FAT3: variants seen among roughly 807,000 people sequenced by gnomAD.
FAT3 encodes protocadherin Fat 3.
A neutral mutation model predicts 310.2 loss-of-function variants in FAT3; 95 were observed. That is an observed-to-expected ratio of 0.31 (90% CI 0.26 to 0.36). The LOEUF (loss-of-function observed/expected upper bound fraction) is 0.36, where lower values mean the gene tolerates loss of function less well. Among genes scored for constraint, FAT3 ranks in the 10% least tolerant of loss-of-function variants. FAT3 has a pLI of 1.00. For synonymous variants in FAT3, 2,314 were observed against 2,192.9 expected, an observed-to-expected ratio of 1.06 and a Z score of -1.54; for missense variants, 5,408 against 5,715.6, an observed-to-expected ratio of 0.95 and a Z score of 1.74.
intron 4 of FAT3, among the ~76,000 whole-genome samples, chr11:92,715,431 A>C (rs1217791666): frequency 6.6e-6 from 1 of 151,744 alleles, no homozygotes; most frequent in East Asian, 1.9e-4. Context: ...AATAAATAAA[A>C]ATAAAAAATT....
At chr11:92,494,724 C>T (rs1273467140) in intron 2 of FAT3, among the ~76,000 whole-genome samples, 1 of 151,952 alleles carries the variant, frequency 6.6e-6, no homozygotes, top group Non-Finnish European at 1.5e-5. Flanking sequence ...GCAGAACCTG[C>T]CCTCCTTGCC....
chr11:92,376,960 A>G (rs184576244), intron 2 of FAT3, among the ~76,000 whole-genome samples: 1 of 152,324 alleles, frequency 6.6e-6, no homozygotes, highest in Admixed American at 6.5e-5. Flanking sequence ...TTGGAAGGTA[A>G]TGATTATGTC....
chr11:92,848,829 G>A (rs1948748842), intron 19 of FAT3, among the ~76,000 whole-genome samples: 1 of 152,200 alleles, frequency 6.6e-6, no homozygotes, highest in South Asian at 2.1e-4. Flanking sequence ...AGTGTATAAA[G>A]AGGAATCACT....
chr11:92,324,279 C>T, intron 1 of FAT3, among the ~76,000 whole-genome samples: 1 of 152,202 alleles, frequency 6.6e-6, no homozygotes, highest in Admixed American at 6.5e-5. Context: ...AGAGGCCTAG[C>T]TTTCAGCACA....
At chr11:92,889,975 T>C in intron 27 of FAT3, 84 bp downstream of exon 27, 1 of 717,522 alleles carries the variant, frequency 1.4e-6, no homozygotes, top group Non-Finnish European at 2.6e-6. Flanking sequence ...CCTGTGCCTC[T>C]GCCCTGATCT....
At chr11:92,820,491 A>G (rs574918860) in intron 13 of FAT3, among the ~76,000 whole-genome samples, 2 of 152,120 alleles carry the variant, frequency 1.3e-5, no homozygotes, top group African/African-American at 2.4e-5. Flanking sequence ...AATTCAGTCT[A>G]TAACACTCTT....
intron 3 of FAT3, among the ~76,000 whole-genome samples, chr11:92,583,058 A>G (rs900601826): frequency 1.3e-5 from 2 of 150,756 alleles, no homozygotes; most frequent in Non-Finnish European, 2.9e-5. Flanking sequence ...TAGTAAAATT[A>G]AATTAGCACT....
intron 2 of FAT3, among the ~76,000 whole-genome samples, chr11:92,430,441 G>A (rs1336254354): frequency 2.0e-5 from 3 of 152,048 alleles, no homozygotes; most frequent in African/African-American, 7.2e-5. Flanking sequence ...TCCGCCTTTT[G>A]CACTGTTTTT....
chr11:92,362,782 G>T (rs926799743), intron 2 of FAT3, among the ~76,000 whole-genome samples: 18 of 152,194 alleles, frequency 1.2e-4, no homozygotes, highest in African/African-American at 4.3e-4. Context: ...TTCTAAAACA[G>T]ATTTTAAGTT....
At chr11:92,832,336 A>C (rs900029303) in intron 14 of FAT3, among the ~76,000 whole-genome samples, 2 of 151,892 alleles carry the variant, frequency 1.3e-5, no homozygotes, top group Admixed American at 6.6e-5. Context: ...ACTGTGTCCA[A>C]AAAAAATAAT....
chr11:92,874,383 T>A (rs1020994851), intron 22 of FAT3, among the ~76,000 whole-genome samples: 49 of 152,322 alleles, frequency 3.2e-4, no homozygotes, highest in Non-Finnish European at 5.6e-4. Context: ...CATCTCACTG[T>A]ATCTTATCTG....
At chr11:92,830,699 C>T (rs12291076) in intron 13 of FAT3, among the ~76,000 whole-genome samples, 2,057 of 152,154 alleles carry the variant, frequency 0.014, 52 homozygotes, top group African/African-American at 0.046. Context: ...CTTCTGCATT[C>T]AAAACCTAGT....
intron 1 of FAT3, among the ~76,000 whole-genome samples, chr11:92,278,193 T>A (rs548195226): frequency 6.6e-6 from 1 of 152,328 alleles, no homozygotes; most frequent in East Asian, 1.9e-4. Flanking sequence ...TATAGTTATG[T>A]ATTTTATGTT....
intron 7 of FAT3, among the ~76,000 whole-genome samples, chr11:92,778,042 G>C (rs1442698606): frequency 6.6e-6 from 1 of 151,946 alleles, no homozygotes; most frequent in Admixed American, 6.6e-5. Context: ...CCTTTAGTGA[G>C]GACTATTCTG....
In FAT3 at chr11:92,706,425, C is replaced by T. The variant is rs559678567; in HGVS notation, c.3669+8980C>T. Reference sequence around the variant, plus strand: ...TGTGTGGGAGCGGTGGGGATGTGGACGGGGAGGAACAGTGGATTCTACCTG... The same window carrying T: ...TGTGTGGGAGCGGTGGGGATGTGGATGGGGAGGAACAGTGGATTCTACCTG... On this transcript the variant is annotated intron_variant, in intron 4 of 27. Coordinates refer to ENST00000525166, the MANE Select transcript of FAT3 (RefSeq NM_001367949.2). Among the ~76,000 whole-genome samples, 14 of 151,954 alleles carry T rather than the reference C, an allele frequency of 9.2e-5. No homozygotes were observed. In the South Asian group the frequency reaches 2.1e-3, roughly 23 times the overall value.
chr11:92,399,045 TA>T (rs1371678002), intron 2 of FAT3, among the ~76,000 whole-genome samples: 3 of 152,218 alleles, frequency 2.0e-5, no homozygotes, highest in Non-Finnish European at 2.9e-5. Context: ...TGAAACTATA[TA>T]GAATCCTTTA....
intron 4 of FAT3, among the ~76,000 whole-genome samples, chr11:92,738,005 G>A (rs1283375303): frequency 1.3e-5 from 2 of 152,008 alleles, no homozygotes; most frequent in Non-Finnish European, 2.9e-5. Flanking sequence ...GGGAGAATTG[G>A]GGCAAATAAA....
In FAT3 at chr11:92,883,916, TGAGTTAAA is replaced by T. The variant is rs1314228240; in HGVS notation, c.12937+528_12937+535del. ...GAGGGACACTTCAATTGGACCATGA[TGAGTTAAA>T]GAGTCTGGGGAAAGGAGGATATTCC... is the stretch of plus-strand genomic sequence containing the variant. On this transcript the variant is annotated intron_variant, in intron 24 of 27. Coordinates refer to ENST00000525166, the MANE Select transcript of FAT3 (RefSeq NM_001367949.2). This position sits in a 1 kb window ranked among gnomAD's most constrained non-coding sequence, Gnocchi z 4.2. Among the ~76,000 whole-genome samples the T allele has an allele frequency of 1.3e-5, 2 of 152,094 alleles. No homozygotes were observed. The highest frequency in any genetic ancestry group is 2.4e-5 in the African/African-American group (1 of 41,406).
intron 3 of FAT3, among the ~76,000 whole-genome samples, chr11:92,646,500 G>C (rs138671279): frequency 6.6e-6 from 1 of 152,180 alleles, no homozygotes; most frequent in Non-Finnish European, 1.5e-5. Context: ...AAGTACAAAA[G>C]AAATTGCAGC....
Sources: gnomAD v4.1 joint callset for allele counts (sites outside exome capture counted in the v4.1 genomes callset) on GRCh38, gnomAD v4.1.1 for gene constraint, Gnocchi (gnomAD v3.1) non-coding constraint, MANE v1.5 for transcripts, NCBI Gene and HGNC (gene_info 2026-07-23, HGNC 2026-07-21) for gene names.